Variants in GPT2 observed in about 807,000 individuals in gnomAD.
The protein encoded by GPT2 is glutamic--pyruvic transaminase 2.
Under a neutral mutation model 56.9 loss-of-function variants are expected in GPT2, and 30 were observed. The observed-to-expected ratio is 0.53, with a 90% CI of 0.39 to 0.72. GPT2 has a LOEUF of 0.72. GPT2 is among the 30% of genes least tolerant of loss of function. The pLI is 0.00. For synonymous variants in GPT2, 271 were observed against 283.1 expected (o/e 0.96, Z 0.43); for missense variants, 542 against 703.4 (o/e 0.77, Z 2.60).
At chr16:46,899,175 G>A (rs967877851) in intron 3 of GPT2, among the ~76,000 whole-genome samples, 6 of 151,366 alleles carry the variant, frequency 4.0e-5, no homozygotes, top group African/African-American at 1.5e-4. Flanking sequence ...TGGGACTACA[G>A]GTGTATGCCA....
chr16:46,916,773 C>T lies in GPT2; in HGVS notation c.900+66C>T. Reference sequence around the variant, plus strand: ...CTCTTCTAGAGGGAGGGACCCAGCCCCCATTGTTCTGCAGCCAGAGAGAAC... The same window carrying T: ...CTCTTCTAGAGGGAGGGACCCAGCCTCCATTGTTCTGCAGCCAGAGAGAAC... On this transcript the variant is annotated intron_variant, in intron 7 of 11. Transcript: ENST00000340124. 7 of 1,087,292 alleles carry T rather than the reference C, an allele frequency of 6.4e-6. No homozygotes were observed. The South Asian group carries it at 8.7e-5, about 14-fold the overall frequency. 67.4% of individuals were successfully genotyped at this position (1,087,292 alleles called of 1,614,324 possible).
chr16:46,918,584 G>A (rs1961217169), intron 7 of GPT2, 37 bp from the exon 8 acceptor site: 1 of 1,608,892 alleles, frequency 6.2e-7, no homozygotes, highest in African/African-American at 1.3e-5. Flanking sequence ...GCCTCTTTGA[G>A]GACCCTTTGG....
At chr16:46,885,915 G>A (rs1960473678) in intron 2 of GPT2, among the ~76,000 whole-genome samples, 7 of 152,146 alleles carry the variant, frequency 4.6e-5, no homozygotes, top group Admixed American at 4.6e-4. Context: ...GAGAATAGAA[G>A]TGGGAAGGAG....
Position 46,889,246 on chromosome 16 carries a change from AT to A in GPT2, c.243+4314del, listed in dbSNP as rs35803215. Among the ~76,000 whole-genome samples the A allele has an allele frequency of 5.6e-3, 533 of 94,934 alleles. 6 individuals carry two copies. Among genetic ancestry groups the A allele is most frequent in the African/African-American group, 0.021 (488 of 23,666 alleles). 62.3% of individuals were successfully genotyped at this position (94,934 alleles called of 152,430 possible). A position where few individuals can be genotyped will look rare whatever the true frequency, so the allele number is the denominator to read the frequency against. On this transcript the variant is annotated intron_variant, in intron 2 of 11. Transcript: ENST00000340124. ...GTTTGCCATGTTGCCCAGGCTGTTA[AT>A]TTTTTTTTTTTTTTTTTTTTTTTTT...
intron 9 of GPT2, among the ~76,000 whole-genome samples, chr16:46,923,072 C>A (rs1961326289): frequency 6.6e-6 from 1 of 152,196 alleles, no homozygotes; most frequent in Non-Finnish European, 1.5e-5. Flanking sequence ...CTACCTGTTA[C>A]CCACTAACAC....
intron 7 of GPT2, 98 bp downstream of exon 7, chr16:46,916,805 G>A: frequency 4.7e-6 from 4 of 849,430 alleles, no homozygotes; most frequent in Non-Finnish European, 8.1e-6. Context: ...GAACTGTCTT[G>A]GTGTTGGAGG....
chr16:46,908,233 G>A (rs1294095709), intron 5 of GPT2, among the ~76,000 whole-genome samples: 6 of 150,050 alleles, frequency 4.0e-5, no homozygotes, highest in South Asian at 2.1e-4. Flanking sequence ...CAGTCCTTGC[G>A]GGGGACTGGT....
At chr16:46,888,635 C>T (rs1169441883) in intron 2 of GPT2, among the ~76,000 whole-genome samples, 1 of 152,128 alleles carries the variant, frequency 6.6e-6, no homozygotes, top group Non-Finnish European at 1.5e-5. Flanking sequence ...GCGTGAGCCA[C>T]CGCACCCGGC....
At chr16:46,904,816 T>C (rs1183386038) in intron 4 of GPT2, among the ~76,000 whole-genome samples, 3 of 152,142 alleles carry the variant, frequency 2.0e-5, no homozygotes, top group East Asian at 1.9e-4. Context: ...AAATCACCTA[T>C]TGGGGGAGGG....
chr16:46,899,035 A>ATATATATATATTTTTTT (rs1567335287), intron 3 of GPT2, among the ~76,000 whole-genome samples: 2 of 77,226 alleles, frequency 2.6e-5, no homozygotes, highest in African/African-American at 1.8e-4. Context: ...ATATATATAT[A>ATATATATATATTTTTTT]TTTTTTTTTT....
chr16:46,925,468 AC>A (rs1249671384), intron 10 of GPT2, among the ~76,000 whole-genome samples: 2 of 151,934 alleles, frequency 1.3e-5, no homozygotes, highest in Non-Finnish European at 2.9e-5. Context: ...TGATCTGCCC[AC>A]CTCGGCCTCC....
At position 46,909,714 on chromosome 16, in the gene GPT2, G is replaced by A. The variant is rs771194204; in HGVS notation, c.607G>A (p.Gly203Ser). Residue 203 changes from glycine (G) to serine (S), a missense_variant, in exon 6 of 12, where the codon GGC (glycine) becomes AGC (serine). Coordinates refer to ENST00000340124, the MANE Select transcript of GPT2 (RefSeq NM_133443.4). ...CCTGAAGATCCTCGTCTCCGGGGGC[G>A]GCAAGTCACGGACAGGTGTGATGAT... ...TILKILVSGG[G>S]KSRTGVMIPI... is the part of the protein sequence containing the mutation. The A allele has an allele frequency of 8.7e-6, 14 of 1,613,742 alleles. No homozygotes were observed. Among genetic ancestry groups the A allele is most frequent in the Non-Finnish European group, 1.1e-5 (13 of 1,179,862 alleles).
intron 10 of GPT2, among the ~76,000 whole-genome samples, chr16:46,925,288 C>T (rs556934180): frequency 1.8e-4 from 28 of 151,938 alleles, no homozygotes; most frequent in African/African-American, 5.6e-4. Context: ...GTGGTGCGAT[C>T]GTGGCTCACT....
intron 4 of GPT2, among the ~76,000 whole-genome samples, chr16:46,903,916 G>T (rs1960869606): frequency 6.6e-6 from 1 of 152,238 alleles, no homozygotes; most frequent in South Asian, 2.1e-4. Flanking sequence ...ATAACGAGGG[G>T]CTCTAATGGA....
At chr16:46,885,149 G>T in intron 2 of GPT2, 191 bp downstream of exon 2, 2 of 1,334,050 alleles carry the variant, frequency 1.5e-6, no homozygotes, top group Non-Finnish European at 1.9e-6. Context: ...GGCACTCAGT[G>T]AGGCCTTGCA....
intron 11 of GPT2, among the ~76,000 whole-genome samples, chr16:46,927,408 G>A (rs753429493): frequency 8.5e-5 from 13 of 152,214 alleles, no homozygotes; most frequent in Non-Finnish European, 1.8e-4. Context: ...GTGCTGGCAT[G>A]TGCTTAGTAG....
rs1961490332 is a variant in GPT2, at chr16:46,929,496, C to CGGTGGCCT, written c.*502_*509dup. On this transcript the variant is annotated 3_prime_UTR_variant, in exon 12 of 12. Transcript: ENST00000340124. ...CCCTGGGGCTGAGAAAGGGTCCGCC[C>CGGTGGCCT]GGTGGCCTGGAGGCAGGCGCCGGGA... 1 of 161,334 alleles carries CGGTGGCCT rather than the reference C, an allele frequency of 6.2e-6. No homozygotes were observed. The highest frequency in any genetic ancestry group is 5.9e-5 in the Admixed American group (1 of 17,076). 10.0% of individuals were successfully genotyped at this position (161,334 alleles called of 1,614,324 possible). A position where few individuals can be genotyped will look rare whatever the true frequency, so the allele number is the denominator to read the frequency against.
At chr16:46,885,629 ACTTT>A in intron 2 of GPT2, 1 of 749,794 alleles carries the variant, frequency 1.3e-6, no homozygotes, top group South Asian at 6.1e-5. Flanking sequence ...GGGCCCTGGG[ACTTT>A]CTTCATCTTG....
intron 4 of GPT2, 31 bp downstream of exon 4, chr16:46,900,821 G>C (rs776643513): frequency 6.3e-7 from 1 of 1,582,912 alleles, no homozygotes; most frequent in Non-Finnish European, 8.7e-7. Context: ...GCCCCTAGGC[G>C]TGAAATGAAT....
Sources: allele counts gnomAD v4.1 joint callset (sites outside exome capture counted in the v4.1 genomes callset), GRCh38; gene constraint gnomAD v4.1.1; transcripts MANE v1.5; gene names NCBI Gene and HGNC (gene_info 2026-07-23, HGNC 2026-07-21).